The following FAM13B variants were observed in gnomAD, a reference collection of about 807,000 sequenced individuals.
FAM13B encodes family with sequence similarity 13 member B, also known as protein FAM13B.
Under a neutral mutation model 117.3 loss-of-function variants are expected in FAM13B, and 60 were observed. That is an observed-to-expected ratio of 0.51 (90% CI 0.42 to 0.63). FAM13B has a LOEUF of 0.63. Among genes scored for constraint, FAM13B ranks in the 30% least tolerant of loss-of-function variants. The pLI is 0.00. For synonymous variants in FAM13B, 332 were observed against 356.1 expected (o/e 0.93, Z 0.76); for missense variants, 972 against 1,091.9 (o/e 0.89, Z 1.55).
At chr5:138,029,107 C>T (rs770478426) in intron 1 of FAM13B, among the ~76,000 whole-genome samples, 17 of 152,170 alleles carry the variant, frequency 1.1e-4, no homozygotes, top group Non-Finnish European at 5.9e-5. Flanking sequence ...CTGATGCTAC[C>T]ATTTCCAGTG....
chr5:138,012,448 T>C (rs1018807339), intron 4 of FAM13B, among the ~76,000 whole-genome samples: 3 of 152,220 alleles, frequency 2.0e-5, no homozygotes, highest in Non-Finnish European at 4.4e-5. Flanking sequence ...CAGTGTGATT[T>C]TCTTCTCCTG....
intron 7 of FAM13B, among the ~76,000 whole-genome samples, chr5:137,993,757 A>G (rs768178611): frequency 6.6e-6 from 1 of 152,132 alleles, no homozygotes; most frequent in Non-Finnish European, 1.5e-5. Context: ...ACTGCACTCC[A>G]GCCTGGGTGA....
At chr5:138,000,130 T>G (rs946277999) in intron 7 of FAM13B, among the ~76,000 whole-genome samples, 1 of 152,202 alleles carries the variant, frequency 6.6e-6, no homozygotes, top group Non-Finnish European at 1.5e-5. Flanking sequence ...AAACACTAAA[T>G]AAGGCCCAGT....
At chr5:138,028,040 C>T (rs992508982) in intron 1 of FAM13B, among the ~76,000 whole-genome samples, 7 of 152,172 alleles carry the variant, frequency 4.6e-5, no homozygotes, top group Non-Finnish European at 8.8e-5. Context: ...TGAGAATGGA[C>T]TAACACAATC....
intron 14 of FAM13B, among the ~76,000 whole-genome samples, chr5:137,955,611 T>C (rs964153895): frequency 6.6e-6 from 1 of 152,134 alleles, no homozygotes; most frequent in African/African-American, 2.4e-5. Context: ...AAAATTCCCA[T>C]CTACACATTA....
At position 137,959,766 on chromosome 5, in the gene FAM13B, G is replaced by A; in HGVS notation, c.1294-3C>T. On this transcript the variant is annotated splice_region_variant and splice_polypyrimidine_tract_variant and intron_variant, in intron 12 of 23. Coordinates refer to ENST00000689681, the MANE Select transcript of FAM13B (RefSeq NM_001385994.1). Reference sequence around the variant, plus strand: ...TCACATATCTTGCTACTAGAATCCTGTATTTTAAAATAAAGAATATATTTC... The same window carrying A: ...TCACATATCTTGCTACTAGAATCCTATATTTTAAAATAAAGAATATATTTC... 1 of 1,612,764 alleles carries A rather than the reference G, an allele frequency of 6.2e-7. No homozygotes were observed. The highest frequency in any genetic ancestry group is 8.5e-7 in the Non-Finnish European group (1 of 1,179,240).
At chr5:138,002,964 G>A (rs963079301) in intron 7 of FAM13B, among the ~76,000 whole-genome samples, 7 of 151,746 alleles carry the variant, frequency 4.6e-5, no homozygotes, top group African/African-American at 1.7e-4. Context: ...GTGAGCCACC[G>A]CGCCGGGCCT....
chr5:137,979,104 C>T (rs957482127), intron 10 of FAM13B, among the ~76,000 whole-genome samples: 6 of 151,812 alleles, frequency 4.0e-5, no homozygotes, highest in Admixed American at 3.9e-4. Context: ...CCTCCTCCTC[C>T]TGGGTTCAAG....
chr5:137,960,156 T>A lies in FAM13B; in HGVS notation c.1293+10A>T, dbSNP rs764993956. ...GTTTTTAAAGACTAAGACAAAAAAA[T>A]AGTTCTTACCAGAATCAAGTGTGAC... is the stretch of plus-strand genomic sequence containing the variant. On this transcript the variant is annotated intron_variant, in intron 12 of 23. Coordinates refer to ENST00000689681, the MANE Select transcript of FAM13B (RefSeq NM_001385994.1). 22 of 1,506,000 alleles carry A rather than the reference T, an allele frequency of 1.5e-5. No individual in the cohort carries two copies. Among genetic ancestry groups the A allele is most frequent in the Admixed American group, 1.9e-5 (1 of 53,294 alleles). 93.3% of individuals were successfully genotyped at this position (1,506,000 alleles called of 1,614,324 possible). A position where few individuals can be genotyped will look rare whatever the true frequency, so the allele number is the denominator to read the frequency against.
chr5:137,968,271 T>TA (rs777973676), intron 10 of FAM13B, among the ~76,000 whole-genome samples: 179 of 127,754 alleles, frequency 1.4e-3, no homozygotes, highest in Middle Eastern at 7.6e-3. Flanking sequence ...AAGTTTCCAC[T>TA]AAAAAAAAAA....
chr5:138,032,630 G>T, intron 1 of FAM13B, 152 bp downstream of exon 1: 1 of 721,016 alleles, frequency 1.4e-6, no homozygotes, highest in Non-Finnish European at 1.7e-6. Flanking sequence ...TCCACGGAAC[G>T]CCCCACCTGC....
At chr5:138,025,288 C>CATATATATATATATATAT (rs67314207) in intron 1 of FAM13B, among the ~76,000 whole-genome samples, 11 of 92,640 alleles carry the variant, frequency 1.2e-4, no homozygotes, top group African/African-American at 3.0e-4. Flanking sequence ...CAAACAAAGC[C>CATATATATATATATATAT]ATATATATAT....
rs766237699 is a variant in FAM13B at position 137,959,752 on chromosome 5, G to A, written c.1305C>T (p.Ser435=). Residue 435 remains serine, a synonymous_variant, in exon 13 of 24, where the codon AGC becomes AGT. Coordinates refer to ENST00000689681, the MANE Select transcript of FAM13B (RefSeq NM_001385994.1). ...KLSHLILDSS[S]KICDLNANTE... is the part of the protein sequence containing the mutation. ...TGTTGGCATTCAAATCACATATCTT[G>A]CTACTAGAATCCTGTATTTTAAAAT... The A allele has an allele frequency of 1.9e-6, 3 of 1,613,380 alleles. No homozygotes were observed. Among genetic ancestry groups the A allele is most frequent in the Non-Finnish European group, 2.5e-6 (3 of 1,179,692 alleles).
In FAM13B at chr5:138,025,306, TATA is replaced by T. The variant is rs1452309674; in HGVS notation, c.-202-4112_-202-4110del. Among the ~76,000 whole-genome samples, 719 of 93,796 alleles carry T rather than the reference TATA, an allele frequency of 7.7e-3. 61 individuals carry two copies. The highest frequency in any genetic ancestry group is 9.0e-3 in the African/African-American group (270 of 29,876). 61.5% of individuals were successfully genotyped at this position (93,796 alleles called of 152,430 possible). ...ACAAAGCCATATATATATATATATA[TATA>T]TGTATTTTTTTTTTTTTTTTTTTTG... On this transcript the variant is annotated intron_variant, in intron 1 of 23. Transcript: ENST00000689681.
chr5:137,976,538 C>T (rs1231224786), intron 10 of FAM13B, among the ~76,000 whole-genome samples: 1 of 152,126 alleles, frequency 6.6e-6, no homozygotes, highest in East Asian at 1.9e-4. Flanking sequence ...GCCAGAAGGC[C>T]ACTGTTGTTG....
At chr5:137,952,592 A>G (rs770850593) in intron 17 of FAM13B, 36 bp downstream of exon 17, 8 of 1,404,372 alleles carry the variant, frequency 5.7e-6, no homozygotes, top group Non-Finnish European at 7.8e-6. Context: ...AAAATTTTTA[A>G]AATGCAAATA....
At chr5:137,992,299 GA>G (rs200110855) in intron 7 of FAM13B, among the ~76,000 whole-genome samples, 107 of 135,382 alleles carry the variant, frequency 7.9e-4, no homozygotes, top group African/African-American at 1.0e-3. Context: ...ACAAAGAATT[GA>G]AAAAAAAAAA....
intron 10 of FAM13B, among the ~76,000 whole-genome samples, chr5:137,968,213 C>G (rs1299086850): frequency 1.6e-5 from 1 of 61,294 alleles, no homozygotes; most frequent in East Asian, 4.5e-4. Context: ...CAGAGCAAGA[C>G]TGTCTCAAAA....
intron 1 of FAM13B, among the ~76,000 whole-genome samples, chr5:138,050,360 C>T (rs1791765690): frequency 6.6e-6 from 1 of 152,160 alleles, no homozygotes; most frequent in Non-Finnish European, 1.5e-5. Context: ...TCCCTTGAAC[C>T]CGGGAGGCGG....
Sources: allele counts gnomAD v4.1 joint callset (sites outside exome capture counted in the v4.1 genomes callset), GRCh38; gene constraint gnomAD v4.1.1; transcripts MANE v1.5; gene names NCBI Gene and HGNC (gene_info 2026-07-23, HGNC 2026-07-21).